ZFAND4: variants seen among roughly 807,000 people sequenced by gnomAD.
ZFAND4 encodes AN1-type zinc finger protein 4.
Under a neutral mutation model 64.4 loss-of-function variants are expected in ZFAND4, and 43 were observed. The ratio of observed to expected loss-of-function variants is 0.67; its 90% CI spans 0.52 to 0.86. The LOEUF (loss-of-function observed/expected upper bound fraction) is 0.86. Ranked by LOEUF, ZFAND4 falls within the 40% of genes least tolerant of loss-of-function variation. The pLI is 0.00. For synonymous variants in ZFAND4, 296 were observed against 305.7 expected (o/e 0.97, Z 0.33); for missense variants, 929 against 859.8 (o/e 1.08, Z -1.01).
chr10:45,618,046 T>C, intron 9 of ZFAND4, 94 bp downstream of exon 9: 2 of 1,338,564 alleles, frequency 1.5e-6, no homozygotes, highest in East Asian at 2.4e-5. Flanking sequence ...TTAATGATGT[T>C]ATAAACAGGC....
chr10:45,652,937 C>A, intron 3 of ZFAND4, 47 bp downstream of exon 3: 1 of 1,424,044 alleles, frequency 7.0e-7, no homozygotes, highest in South Asian at 1.2e-5. Context: ...CATATGGAGT[C>A]ATAATACTAA....
At chr10:45,665,156 C>A (rs889768829) in intron 1 of ZFAND4, among the ~76,000 whole-genome samples, 1 of 152,092 alleles carries the variant, frequency 6.6e-6, no homozygotes, top group Admixed American at 6.5e-5. Context: ...TGCTATTAAT[C>A]GTGAAAACTC....
intron 6 of ZFAND4, among the ~76,000 whole-genome samples, chr10:45,628,637 A>G (rs1049879469): frequency 6.6e-6 from 1 of 152,152 alleles, no homozygotes; most frequent in Non-Finnish European, 1.5e-5. Flanking sequence ...CCAGCAAAAA[A>G]TTCTTCAAAA....
intron 6 of ZFAND4, among the ~76,000 whole-genome samples, chr10:45,635,214 CAA>C (rs76130878): frequency 0.02 from 1,389 of 68,252 alleles, 40 homozygotes; most frequent in African/African-American, 0.072. Context: ...AAAAAAAAAA[CAA>C]AAAAAAAACA....
intron 1 of ZFAND4, among the ~76,000 whole-genome samples, chr10:45,668,781 C>T (rs2048995082): frequency 6.6e-6 from 1 of 152,190 alleles, no homozygotes; most frequent in African/African-American, 2.4e-5. Flanking sequence ...AACTGAACAA[C>T]CTGCTCCTGA....
At chr10:45,622,707 A>G (rs965601918) in intron 8 of ZFAND4, among the ~76,000 whole-genome samples, 3 of 152,186 alleles carry the variant, frequency 2.0e-5, no homozygotes, top group Admixed American at 6.5e-5. Flanking sequence ...TGAAATGTCA[A>G]CCCTCACTCT....
At chr10:45,667,939 C>T (rs1174455633) in intron 1 of ZFAND4, among the ~76,000 whole-genome samples, 2 of 152,172 alleles carry the variant, frequency 1.3e-5, no homozygotes, top group Non-Finnish European at 1.5e-5. Context: ...ATAAGGTTGA[C>T]GAGCTTCCCT....
At chr10:45,665,326 G>A (rs2048749159) in intron 1 of ZFAND4, among the ~76,000 whole-genome samples, 1 of 152,092 alleles carries the variant, frequency 6.6e-6, no homozygotes, top group Non-Finnish European at 1.5e-5. Context: ...GATCACCTGA[G>A]GTCAGGAGTT....
At chr10:45,662,710 C>T (rs1329463320) in intron 2 of ZFAND4, 1 of 962,126 alleles carries the variant, frequency 1.0e-6, no homozygotes, top group African/African-American at 1.8e-5. Context: ...TTCAGGAGCT[C>T]ATATATATCC....
chr10:45,632,534 A>C (rs1337778780), intron 6 of ZFAND4, among the ~76,000 whole-genome samples: 1 of 152,208 alleles, frequency 6.6e-6, no homozygotes, highest in Non-Finnish European at 1.5e-5. Context: ...TTCACTTAGT[A>C]ATTAGGAGTC....
intron 2 of ZFAND4, among the ~76,000 whole-genome samples, chr10:45,654,183 T>C (rs1046074895): frequency 6.6e-6 from 1 of 152,130 alleles, no homozygotes; most frequent in Non-Finnish European, 1.5e-5. Flanking sequence ...GGGAAGGGGA[T>C]GTGGGTTGAA....
intron 6 of ZFAND4, among the ~76,000 whole-genome samples, chr10:45,638,804 A>T (rs1410113730): frequency 6.6e-6 from 1 of 152,238 alleles, no homozygotes; most frequent in Non-Finnish European, 1.5e-5. Context: ...ATACAACCAC[A>T]TGGATAAATC....
chr10:45,639,781 T>C, intron 6 of ZFAND4, 35 bp downstream of exon 6: 1 of 1,576,100 alleles, frequency 6.3e-7, no homozygotes, highest in Non-Finnish European at 8.6e-7. Context: ...AGGGGTAAGC[T>C]AGAGATAAGC....
chr10:45,631,843 A>C (rs1002984428), intron 6 of ZFAND4, among the ~76,000 whole-genome samples: 1 of 152,204 alleles, frequency 6.6e-6, no homozygotes, highest in South Asian at 2.1e-4. Flanking sequence ...ATTACGTATC[A>C]ATGAAAATAG....
intron 7 of ZFAND4, among the ~76,000 whole-genome samples, chr10:45,624,927 G>A (rs541413445): frequency 2.4e-4 from 36 of 152,062 alleles, no homozygotes; most frequent in African/African-American, 7.0e-4. Context: ...AGCCTGGGAC[G>A]TCGTGGCTGC....
chr10:45,634,767 T>C (rs2046439284), intron 6 of ZFAND4, among the ~76,000 whole-genome samples: 1 of 151,974 alleles, frequency 6.6e-6, no homozygotes, highest in African/African-American at 2.4e-5. Context: ...ACAGAAAGAC[T>C]GCACCAAAAA....
intron 2 of ZFAND4, among the ~76,000 whole-genome samples, chr10:45,659,994 G>A (rs559579379): frequency 2.6e-5 from 4 of 152,024 alleles, no homozygotes; most frequent in African/African-American, 4.8e-5. Flanking sequence ...TGACTAACAC[G>A]GTGAAACCCC....
intron 4 of ZFAND4, among the ~76,000 whole-genome samples, chr10:45,649,226 G>C (rs1032491770): frequency 1.3e-4 from 20 of 151,072 alleles, no homozygotes; most frequent in African/African-American, 4.9e-4. Flanking sequence ...GAAGTAAGCA[G>C]ACCTATCTTT....
At chr10:45,656,193 T>G (rs2048089076) in intron 2 of ZFAND4, among the ~76,000 whole-genome samples, 1 of 151,802 alleles carries the variant, frequency 6.6e-6, no homozygotes, top group African/African-American at 2.4e-5. Context: ...ATCGCACCAC[T>G]GCACTCCAGC....
Sources: allele counts gnomAD v4.1 joint callset (sites outside exome capture counted in the v4.1 genomes callset), GRCh38; gene constraint gnomAD v4.1.1; transcripts MANE v1.5; gene names NCBI Gene and HGNC (gene_info 2026-07-23, HGNC 2026-07-21).